Variants in LAMP3 observed in about 807,000 individuals in gnomAD.
LAMP3 encodes the protein lysosome-associated membrane glycoprotein 3.
A neutral mutation model predicts 34.8 loss-of-function variants in LAMP3; 26 were observed. The ratio of observed to expected loss-of-function variants is 0.75; its 90% CI spans 0.55 to 1.04. The LOEUF (loss-of-function observed/expected upper bound fraction) is 1.04. LAMP3 is among the 50% of genes least tolerant of loss of function. The pLI, the probability that LAMP3 is intolerant of heterozygous loss-of-function variation, is 0.00. For synonymous variants in LAMP3, 180 were observed against 201.9 expected, an observed-to-expected ratio of 0.89 and a Z score of 0.92; for missense variants, 495 against 524.0, an observed-to-expected ratio of 0.94 and a Z score of 0.54.
intron 3 of LAMP3, among the ~76,000 whole-genome samples, chr3:183,142,887 A>G (rs541443408): frequency 2.0e-5 from 3 of 152,284 alleles, no homozygotes; most frequent in Non-Finnish European, 2.9e-5. Flanking sequence ...GCACAGGCAG[A>G]ACACCTGTGA....
At chr3:183,130,505 G>T (rs1719884868) in intron 5 of LAMP3, among the ~76,000 whole-genome samples, 1 of 152,122 alleles carries the variant, frequency 6.6e-6, no homozygotes, top group Admixed American at 6.5e-5. Context: ...TTTTGCTGCA[G>T]TATTTTGGCA....
At chr3:183,138,579 T>G (rs1040190271) in intron 4 of LAMP3, among the ~76,000 whole-genome samples, 3 of 152,234 alleles carry the variant, frequency 2.0e-5, no homozygotes, top group Admixed American at 2.0e-4. Flanking sequence ...AGAGACATCT[T>G]GTGTGAGTGG....
At position 183,122,795 on chromosome 3, in the gene LAMP3, C is replaced by CT. The variant is rs1719701292; in HGVS notation, c.*1285_*1286insA. 6.6e-6 allele frequency: 1 copy of CT among 152,154 alleles called. No homozygotes were observed. The highest frequency in any genetic ancestry group is 2.4e-5 in the African/African-American group (1 of 41,424). 9.4% of individuals were successfully genotyped at this position (152,154 alleles called of 1,614,324 possible). A position where few individuals can be genotyped will look rare whatever the true frequency, so the allele number is the denominator to read the frequency against. On this transcript the variant is annotated 3_prime_UTR_variant, in exon 6 of 6. Coordinates refer to ENST00000265598, the MANE Select transcript of LAMP3 (RefSeq NM_014398.4). ...TAATGTCTCATGATCCTGGATAAAC[C>CT]CATTTCCCTGTAAGGTGAGCGTATG... is the stretch of plus-strand genomic sequence containing the variant.
intron 5 of LAMP3, chr3:183,132,451 A>G (rs931364061): frequency 3.1e-6 from 3 of 982,854 alleles, no homozygotes; most frequent in African/African-American, 1.7e-5. Flanking sequence ...TGTATAAGAA[A>G]AATCAGTCAA....
At chr3:183,125,708 T>G (rs750551021) in intron 5 of LAMP3, among the ~76,000 whole-genome samples, 1 of 152,228 alleles carries the variant, frequency 6.6e-6, no homozygotes, top group Non-Finnish European at 1.5e-5. Flanking sequence ...CTTTCCATGA[T>G]AAGACCTTTT....
In LAMP3 at chr3:183,122,753, T is replaced by C. The variant is rs1719700209; in HGVS notation, c.*1328A>G. On this transcript the variant is annotated 3_prime_UTR_variant, in exon 6 of 6. Transcript: ENST00000265598. Reference sequence around the variant, plus strand: ...TAGGCTATTTTGTTATCTGCAAAGCTCTCCTTTCATCTACCCTAATGTCTC... The same window carrying C: ...TAGGCTATTTTGTTATCTGCAAAGCCCTCCTTTCATCTACCCTAATGTCTC... The C allele has an allele frequency of 6.6e-6, 1 of 152,196 alleles. No homozygotes were observed. The highest frequency in any genetic ancestry group is 1.5e-5 in the Non-Finnish European group (1 of 68,034). 9.4% of individuals were successfully genotyped at this position (152,196 alleles called of 1,614,324 possible).
At chr3:183,140,410 CAAAAAAAAAAAAAAAAAA>C (rs58229572) in intron 4 of LAMP3, 110 bp downstream of exon 4, 10 of 194,486 alleles carry the variant, frequency 5.1e-5, no homozygotes, top group East Asian at 2.2e-4. Context: ...GACTCCATCT[CAAAAAAAAAAAAAAAAAA>C]AAAAAAAAAA....
chr3:183,163,300 G>C (rs757466368), upstream of LAMP3, among the ~76,000 whole-genome samples: 2 of 113,368 alleles, frequency 1.8e-5, no homozygotes, highest in East Asian at 5.4e-4. Context: ...CTTTTGTTTT[G>C]TTTTGTTTTG....
intron 3 of LAMP3, among the ~76,000 whole-genome samples, chr3:183,147,211 C>A (rs994722409): frequency 6.6e-6 from 1 of 151,196 alleles, no homozygotes; most frequent in African/African-American, 2.4e-5. Flanking sequence ...TCACTGCACT[C>A]CAGCCTGGGC....
chr3:183,153,596 G>A, intron 2 of LAMP3, 86 bp downstream of exon 2: 1 of 865,120 alleles, frequency 1.2e-6, no homozygotes, highest in Non-Finnish European at 1.8e-6. Flanking sequence ...TAAAGACACA[G>A]GATGTGGGGA....
intron 4 of LAMP3, among the ~76,000 whole-genome samples, 170 bp downstream of exon 4, chr3:183,140,368 G>A (rs1720237781): frequency 1.5e-5 from 2 of 132,446 alleles, no homozygotes; most frequent in South Asian, 4.7e-4. Flanking sequence ...GCGAGATCGT[G>A]CCACTACACT....
chr3:183,159,835 C>T (rs1296761921), intron 1 of LAMP3, among the ~76,000 whole-genome samples: 1 of 152,168 alleles, frequency 6.6e-6, no homozygotes, highest in Non-Finnish European at 1.5e-5. Flanking sequence ...ATCATGTGGG[C>T]CTTCTGGGAA....
At chr3:183,133,237 T>C (rs1719980884) in intron 5 of LAMP3, among the ~76,000 whole-genome samples, 2 of 152,214 alleles carry the variant, frequency 1.3e-5, no homozygotes, top group Admixed American at 1.3e-4. Context: ...GCCAGGGGAA[T>C]TCTGATGCTG....
At chr3:183,148,717 G>A (rs1303887886) in intron 3 of LAMP3, among the ~76,000 whole-genome samples, 1 of 152,302 alleles carries the variant, frequency 6.6e-6, no homozygotes, top group Middle Eastern at 3.4e-3. Flanking sequence ...AGGATGTGGA[G>A]AAAAGGGAAC....
chr3:183,162,879 G>C, upstream of LAMP3: 1 of 526,036 alleles, frequency 1.9e-6, no homozygotes, highest in East Asian at 3.5e-5. Context: ...CCGGGGCCCG[G>C]GCCTCTGGGA....
chr3:183,138,417 C>A (rs1179245905), intron 4 of LAMP3, among the ~76,000 whole-genome samples: 3 of 152,118 alleles, frequency 2.0e-5, no homozygotes, highest in African/African-American at 4.8e-5. Context: ...GCATAAATTC[C>A]TTAATTGGTA....
At chr3:183,132,668 C>T (rs1025639157) in intron 5 of LAMP3, 16 of 985,224 alleles carry the variant, frequency 1.6e-5, no homozygotes, top group East Asian at 1.1e-4. Context: ...CCCAGCACTG[C>T]GGTAGCCCTT....
At chr3:183,149,411 G>A (rs992941332) in intron 3 of LAMP3, among the ~76,000 whole-genome samples, 12 of 151,352 alleles carry the variant, frequency 7.9e-5, no homozygotes, top group African/African-American at 2.9e-4. Flanking sequence ...GTGGTGGTGC[G>A]TGGCTGTAGT....
chr3:183,145,709 G>A lies in LAMP3; in HGVS notation c.889-5114C>T, dbSNP rs959238818. ...CGTCTCTACTAAAAAATACAAAAATGAGCAGGGTGTGGTGGTGCACACCTG... is the reference window on the plus strand; with the variant it reads ...CGTCTCTACTAAAAAATACAAAAATAAGCAGGGTGTGGTGGTGCACACCTG... On this transcript the variant is annotated intron_variant, in intron 3 of 5. Transcript: ENST00000265598. Among the ~76,000 whole-genome samples, 3 of 152,126 alleles carry A rather than the reference G, an allele frequency of 2.0e-5. No homozygotes were observed. In the South Asian group the frequency reaches 6.2e-4, roughly 32 times the overall value.
Sources: allele counts gnomAD v4.1 joint callset (sites outside exome capture counted in the v4.1 genomes callset), GRCh38; gene constraint gnomAD v4.1.1; transcripts MANE v1.5; gene names NCBI Gene and HGNC (gene_info 2026-07-23, HGNC 2026-07-21).